Variants in GPBP1 observed in about 807,000 individuals in gnomAD.
GPBP1 encodes vasculin.
GPBP1 carries 13 observed loss-of-function variants against 56.5 expected under a neutral mutation model. The observed-to-expected ratio is 0.23, with a 90% confidence interval of 0.15 to 0.37. The LOEUF (loss-of-function observed/expected upper bound fraction) is 0.37. Ranked by LOEUF, GPBP1 falls within the 10% of genes least tolerant of loss-of-function variation. The pLI is 1.00. For synonymous variants in GPBP1, 204 were observed against 188.9 expected, an observed-to-expected ratio of 1.08 and a Z score of -0.66; for missense variants, 477 against 572.3, an observed-to-expected ratio of 0.83 and a Z score of 1.70.
chr5:57,186,659 C>T (rs914262750), intron 2 of GPBP1, among the ~76,000 whole-genome samples: 2 of 152,098 alleles, frequency 1.3e-5, no homozygotes, highest in Non-Finnish European at 2.9e-5. Flanking sequence ...GCAGCTTTGA[C>T]TTCTTGGGCT....
Position 57,247,218 on chromosome 5 carries a change from A to T in GPBP1, c.804+3A>T, listed in dbSNP as rs769496923. 6.2e-7 allele frequency: 1 copy of T among 1,606,948 alleles called. No individual in the cohort carries two copies. Among genetic ancestry groups the T allele is most frequent in the South Asian group, 1.1e-5 (1 of 89,710 alleles). ...CATCTACAAATTCAGTGAAAGAGGT[A>T]TGACATTAAAAATCACACTTGAGGA... On this transcript the variant is annotated splice_donor_region_variant and intron_variant, in intron 8 of 11. Coordinates refer to ENST00000506184, the MANE Select transcript of GPBP1 (RefSeq NM_022913.4).
rs1382824776 is a variant in GPBP1 at position 57,175,887 on chromosome 5, T to C, written c.-571T>C. ...TTTTAGGAATTTTTGACTTCAGCTC[T>C]TTCATGTCACAATGGGACACTTTTT... On this transcript the variant is annotated 5_prime_UTR_variant, in exon 2 of 12. Coordinates refer to ENST00000506184, the MANE Select transcript of GPBP1 (RefSeq NM_022913.4). 2.5e-6 allele frequency: 1 copy of C among 398,164 alleles called. No homozygotes were observed. The highest frequency in any genetic ancestry group is 4.4e-5 in the Admixed American group (1 of 22,702). The allele number at this position is 398,164 out of a possible 1,614,324, so 24.7% of individuals were successfully genotyped here. A position where few individuals can be genotyped will look rare whatever the true frequency, so the allele number is the denominator to read the frequency against.
intron 2 of GPBP1, among the ~76,000 whole-genome samples, chr5:57,204,785 C>T (rs1755160321): frequency 6.6e-6 from 1 of 152,126 alleles, no homozygotes; most frequent in South Asian, 2.1e-4. Context: ...GTGCATTTGC[C>T]AGGCTATTTC....
intron 3 of GPBP1, among the ~76,000 whole-genome samples, chr5:57,225,511 A>AG (rs1206025608): frequency 6.9e-6 from 1 of 145,776 alleles, no homozygotes; most frequent in African/African-American, 2.5e-5. Context: ...AAAAAAAAAA[A>AG]CAAACTGGTA....
At chr5:57,200,649 C>T (rs1444690033) in intron 2 of GPBP1, among the ~76,000 whole-genome samples, 1 of 150,504 alleles carries the variant, frequency 6.6e-6, no homozygotes, top group Non-Finnish European at 1.5e-5. Flanking sequence ...TTACAGGTGT[C>T]AGCCACTGCG....
chr5:57,258,501 A>AC (rs1741757545), intron 10 of GPBP1, among the ~76,000 whole-genome samples: 1 of 152,254 alleles, frequency 6.6e-6, no homozygotes, highest in African/African-American at 2.4e-5. Context: ...GCATATCTAA[A>AC]CATATACAAA....
At chr5:57,195,021 A>C (rs1372021946) in intron 2 of GPBP1, among the ~76,000 whole-genome samples, 1 of 151,994 alleles carries the variant, frequency 6.6e-6, no homozygotes, top group Non-Finnish European at 1.5e-5. Flanking sequence ...TATACCCAGC[A>C]GTGGGCTTGC....
intron 6 of GPBP1, among the ~76,000 whole-genome samples, chr5:57,236,352 A>T (rs1756661426): frequency 6.6e-6 from 1 of 152,190 alleles, no homozygotes; most frequent in Non-Finnish European, 1.5e-5. Flanking sequence ...AAACAAACTG[A>T]GTTTAAATTA....
Position 57,249,467 on chromosome 5 carries a change from C to A in GPBP1, c.863C>A (p.Thr288Asn). The change falls in exon 9 of 12, where the codon ACC (threonine) becomes AAC (asparagine). Residue 288 changes from threonine (T) to asparagine (N), a missense_variant. Around this residue, in one of 2 missense-constraint regions of GPBP1, gnomAD observed 414 missense variants for 458.2 expected, o/e 0.90. Coordinates refer to ENST00000506184, the MANE Select transcript of GPBP1 (RefSeq NM_022913.4). ...AAACTTAATCAGCAGCCTCGTCTAA[C>A]CAAACTGACACGAATGCGCACTGAT... is the stretch of plus-strand genomic sequence containing the variant. ...VDKLNQQPRLTKLTRMRTDKK... is the reference protein window; with the variant it reads ...VDKLNQQPRLNKLTRMRTDKK... 6.2e-7 allele frequency: 1 copy of A among 1,611,972 alleles called. No homozygotes were observed. Among genetic ancestry groups the A allele is most frequent in the Non-Finnish European group, 8.5e-7 (1 of 1,179,136 alleles).
At chr5:57,239,314 G>T (rs778379309) in intron 6 of GPBP1, among the ~76,000 whole-genome samples, 2 of 152,158 alleles carry the variant, frequency 1.3e-5, no homozygotes, top group African/African-American at 4.8e-5. Context: ...GTTGATATTT[G>T]TGAAATGCAT....
At chr5:57,252,900 G>T (rs1164439239) in intron 10 of GPBP1, among the ~76,000 whole-genome samples, 1 of 151,818 alleles carries the variant, frequency 6.6e-6, no homozygotes, top group African/African-American at 2.4e-5. Context: ...GTAGAGATGG[G>T]ATTTCATCAT....
At chr5:57,192,799 A>G (rs1468462762) in intron 2 of GPBP1, among the ~76,000 whole-genome samples, 1 of 151,584 alleles carries the variant, frequency 6.6e-6, no homozygotes, top group Non-Finnish European at 1.5e-5. Flanking sequence ...CATGTCTATT[A>G]CGAAGGCTAA....
intron 7 of GPBP1, 53 bp downstream of exon 7, chr5:57,246,537 T>C: frequency 7.1e-7 from 1 of 1,415,876 alleles, no homozygotes; most frequent in Non-Finnish European, 9.7e-7. Flanking sequence ...CCAATTTATG[T>C]CCTATGGGGG....
chr5:57,219,418 A>C lies in GPBP1; in HGVS notation c.63+5225A>C, dbSNP rs1209107320. On this transcript the variant is annotated intron_variant, in intron 3 of 11. Transcript: ENST00000506184. ...AAAAAAAAAAACCAAAAACAAACAA[A>C]CAAAAAAAAAAACAACAAAACCACA... 5.4e-4 allele frequency among the ~76,000 whole-genome samples: 18 copies of C among 33,440 alleles called. 1 individual carries two copies. In the South Asian group the frequency reaches 9.0e-3, roughly 17 times the overall value. 21.9% of individuals were successfully genotyped at this position (33,440 alleles called of 152,430 possible). A position where few individuals can be genotyped will look rare whatever the true frequency, so the allele number is the denominator to read the frequency against.
chr5:57,209,937 TC>T (rs755551265), intron 2 of GPBP1, among the ~76,000 whole-genome samples: 3 of 152,210 alleles, frequency 2.0e-5, no homozygotes, highest in Non-Finnish European at 4.4e-5. Flanking sequence ...TAGTTAGAAT[TC>T]CTTAGCTATT....
At chr5:57,249,105 T>A (rs1275700854) in intron 8 of GPBP1, 1 of 206,144 alleles carries the variant, frequency 4.9e-6, no homozygotes, top group Non-Finnish European at 9.8e-6. Context: ...GAAAAGCTGC[T>A]CTTCTGTGTA....
intron 3 of GPBP1, among the ~76,000 whole-genome samples, chr5:57,224,464 A>G (rs565513261): frequency 3.4e-4 from 51 of 151,888 alleles, no homozygotes; most frequent in African/African-American, 1.2e-3. Context: ...GCTAGTCTCG[A>G]ACTCCTGACC....
intron 2 of GPBP1, among the ~76,000 whole-genome samples, chr5:57,201,267 C>G (rs974550351): frequency 6.6e-6 from 1 of 152,214 alleles, no homozygotes; most frequent in African/African-American, 2.4e-5. Flanking sequence ...CTGGGACTTA[C>G]AAGTGTGTGC....
chr5:57,264,461 T>C lies in GPBP1; in HGVS notation c.*1709T>C, dbSNP rs1472732557. ...TTCCAAAAACAAGCTAGAAGGAACC[T>C]GAGGAATGTGGTTTACATTTGAGAT... is the stretch of plus-strand genomic sequence containing the variant. On this transcript the variant is annotated 3_prime_UTR_variant, in exon 12 of 12. Transcript: ENST00000506184. The C allele has an allele frequency of 6.6e-6, 1 of 152,158 alleles. No individual in the cohort carries two copies. The highest frequency in any genetic ancestry group is 1.5e-5 in the Non-Finnish European group (1 of 68,022). 9.4% of individuals were successfully genotyped at this position (152,158 alleles called of 1,614,324 possible). A position where few individuals can be genotyped will look rare whatever the true frequency, so the allele number is the denominator to read the frequency against.
Sources: gnomAD v4.1 joint callset for allele counts (sites outside exome capture counted in the v4.1 genomes callset) on GRCh38, gnomAD v4.1.1 for gene constraint, gnomAD v4.1.1 regional missense constraint, MANE v1.5 for transcripts, NCBI Gene and HGNC (gene_info 2026-07-23, HGNC 2026-07-21) for gene names.